IQCC: variants seen among roughly 807,000 people sequenced by gnomAD.
IQCC encodes the protein IQ domain-containing protein C.
Under a neutral mutation model 27.0 loss-of-function variants are expected in IQCC, and 23 were observed. That is an observed-to-expected ratio of 0.85 (90% confidence interval 0.61 to 1.21). IQCC has a LOEUF of 1.21. Ranked by LOEUF, IQCC falls within the 50% of genes most tolerant of loss-of-function variation. The pLI is 0.00. For synonymous variants in IQCC, 220 were observed against 217.2 expected, an observed-to-expected ratio of 1.01 and a Z score of -0.11; for missense variants, 552 against 562.3, an observed-to-expected ratio of 0.98 and a Z score of 0.19.
rs530747775 is a variant in IQCC, at chr1:32,208,464, C to T, written c.*382C>T. ...ACTAAAAATATAAAAATTAGCCAGGCGTGGTGGTGCATGCCTGTAGTCCCA... is the reference window on the plus strand; with the variant it reads ...ACTAAAAATATAAAAATTAGCCAGGTGTGGTGGTGCATGCCTGTAGTCCCA... On this transcript the variant is annotated 3_prime_UTR_variant, in exon 5 of 5. Coordinates refer to ENST00000291358, the MANE Select transcript of IQCC (RefSeq NM_018134.3). 2 of 182,998 alleles carry T rather than the reference C, an allele frequency of 1.1e-5. No individual in the cohort carries two copies. Among genetic ancestry groups the T allele is most frequent in the Non-Finnish European group, 1.2e-5 (1 of 86,130 alleles). The allele number at this position is 182,998 out of a possible 1,614,324, so 11.3% of individuals were successfully genotyped here.
Position 32,205,777 on chromosome 1 carries a change from G to T in IQCC, c.42+54G>T, listed in dbSNP as rs757515285. 1 of 1,601,942 alleles carries T rather than the reference G, an allele frequency of 6.2e-7. No homozygotes were observed. The highest frequency in any genetic ancestry group is 8.5e-7 in the Non-Finnish European group (1 of 1,175,406). The stretch of plus-strand genomic sequence containing the variant: ...ATTTTTCCTTTAGGGAAATCATGGG[G>T]TCTCGTACCTGGACCTCCCAGCGAG... On this transcript the variant is annotated intron_variant, in intron 1 of 4. Transcript: ENST00000291358. This position sits in a 1 kb window ranked among gnomAD's most constrained non-coding sequence, Gnocchi z 5.6.
rs1643430418 is a variant in IQCC, at chr1:32,208,009, C to T, written c.1328C>T (p.Ser443Phe). 6.2e-7 allele frequency: 1 copy of T among 1,614,158 alleles called. No homozygotes were observed. Among genetic ancestry groups the T allele is most frequent in the Non-Finnish European group, 8.5e-7 (1 of 1,179,996 alleles). Residue 443 changes from serine (S) to phenylalanine (F), a missense_variant, in exon 5 of 5, where the codon TCT (serine) becomes TTT (phenylalanine). By Grantham distance (155) the Ser-to-Phe change is radical (BLOSUM62 -2). Transcript: ENST00000291358. ...PWRSKSPEIL[S>F]STKAGCTGEE... ...AGATCAAAGTCACCTGAGATTCTGT[C>T]TTCTACAAAGGCAGGCTGTACAGGA...
At chr1:32,206,865 C>T (rs111262685) in intron 3 of IQCC, 104 bp downstream of exon 3, 10 of 1,473,808 alleles carry the variant, frequency 6.8e-6, no homozygotes, top group Admixed American at 5.7e-5. Flanking sequence ...ATCCCTTTCC[C>T]GTCTTCCCTC....
In IQCC at chr1:32,207,231, C is replaced by T; in HGVS notation, c.559-9C>T. 6.2e-7 allele frequency: 1 copy of T among 1,613,850 alleles called. No homozygotes were observed. The highest frequency in any genetic ancestry group is 8.5e-7 in the Non-Finnish European group (1 of 1,179,824). ...TGCTTGGTACAATGTATGTTCTCTCCCCCAACAGTACCTACTTCTTAAACA... is the reference window on the plus strand; with the variant it reads ...TGCTTGGTACAATGTATGTTCTCTCTCCCAACAGTACCTACTTCTTAAACA... On this transcript the variant is annotated splice_polypyrimidine_tract_variant and intron_variant, in intron 4 of 4. Coordinates refer to ENST00000291358, the MANE Select transcript of IQCC (RefSeq NM_018134.3).
Position 32,205,694 on chromosome 1 carries a change from C to G in IQCC, c.13C>G (p.Leu5Val). The G allele has an allele frequency of 1.2e-6, 2 of 1,606,600 alleles. No individual in the cohort carries two copies. Among genetic ancestry groups the G allele is most frequent in the South Asian group, 1.1e-5 (1 of 90,620 alleles). The change falls in exon 1 of 5, where the codon CTG becomes GTG. Residue 5 changes from leucine to valine, a missense_variant. Transcript: ENST00000291358. This position sits in a 1 kb window ranked among gnomAD's most constrained non-coding sequence, Gnocchi z 5.6. ...GCAGTTGGCGCCCATGGAGCCAGAG[C>G]TGCTGGTTCGGAAGGTGTCTGCATT... MEPELLVRKVSALQA... is the reference protein window; with the variant it reads MEPEVLVRKVSALQA...
In IQCC at chr1:32,206,592, A is replaced by G. The variant is rs1449907474; in HGVS notation, c.270A>G (p.Glu90=). 6.2e-7 allele frequency: 1 copy of G among 1,614,238 alleles called. No individual in the cohort carries two copies. The highest frequency in any genetic ancestry group is 1.7e-5 in the Admixed American group (1 of 60,028). The change falls in exon 3 of 5, where the codon GAA becomes GAG. Residue 90 remains glutamate, a synonymous_variant. Transcript: ENST00000291358. ...EQGLWNHFPC[E]ESEGEATWEE... ...GGCTGTGGAACCACTTCCCATGTGAAGAGTCTGAGGGAGAGGCCACCTGGG... is the reference window on the plus strand; with the variant it reads ...GGCTGTGGAACCACTTCCCATGTGAGGAGTCTGAGGGAGAGGCCACCTGGG...
rs1643332424 is a variant in IQCC, at chr1:32,206,283, C to T, written c.172C>T (p.Arg58Ter). 6.2e-7 allele frequency: 1 copy of T among 1,614,158 alleles called. No homozygotes were observed. Among genetic ancestry groups the T allele is most frequent in the Non-Finnish European group, 8.5e-7 (1 of 1,180,018 alleles). The change falls in exon 2 of 5, where the codon CGA becomes TGA. Residue 58 changes from arginine to a stop codon, truncating the protein, a stop_gained. Transcript: ENST00000291358. LOFTEE classifies it high-confidence loss of function. ...QWTEGRIPRP[R>*]FLPEKAKSHQ... ...GACCGAGGGCCGCATTCCCAGGCCG[C>T]GATTCCTCCCAGAGGTAGAACACAC...
Position 32,207,769 on chromosome 1 carries a change from A to G in IQCC, c.1088A>G (p.Glu363Gly). Reference sequence around the variant, plus strand: ...TCTCCCAGAAAACTAGACCACAAAGAGCCTGACTGCCGAACAGTCAGGACA... The same window carrying G: ...TCTCCCAGAAAACTAGACCACAAAGGGCCTGACTGCCGAACAGTCAGGACA... ...EMSPRKLDHK[E>G]PDCRTVRTQE... Residue 363 changes from glutamate to glycine, a missense_variant, in exon 5 of 5, where the codon GAG (glutamate) becomes GGG (glycine). By Grantham distance (98) the Glu-to-Gly change is moderately conservative. Coordinates refer to ENST00000291358, the MANE Select transcript of IQCC (RefSeq NM_018134.3). 2.3e-5 allele frequency: 37 copies of G among 1,613,948 alleles called. No individual in the cohort carries two copies. Among genetic ancestry groups the G allele is most frequent in the Non-Finnish European group, 3.1e-5 (37 of 1,179,986 alleles).
rs1643305734 is a variant in IQCC, at chr1:32,205,721, C to T, written c.40C>T (p.Gln14Ter). 6.2e-7 allele frequency: 1 copy of T among 1,611,930 alleles called. No individual in the cohort carries two copies. The highest frequency in any genetic ancestry group is 1.3e-5 in the African/African-American group (1 of 75,058). Residue 14 changes from glutamine to a stop codon, truncating the protein, a stop_gained and splice_region_variant, in exon 1 of 5, where the codon CAG becomes TAG. Transcript: ENST00000291358. LOFTEE classifies it high-confidence loss of function. This position sits in a 1 kb window ranked among gnomAD's most constrained non-coding sequence, Gnocchi z 5.6. ...ELLVRKVSAL[Q>*]ACVRGFLVRR... is the part of the protein sequence containing the mutation. ...GCTGGTTCGGAAGGTGTCTGCATTG[C>T]AGGTGCGGGGGCGGGCGCGGGGTTC...
At position 32,207,047 on chromosome 1, in the gene IQCC, A is replaced by G. The variant is rs751634548; in HGVS notation, c.485A>G (p.Glu162Gly). 1.7e-5 allele frequency: 27 copies of G among 1,613,312 alleles called. No homozygotes were observed. The highest frequency in any genetic ancestry group is 6.7e-5 in the Admixed American group (4 of 59,822). ...CCCCACAGCCAACCTCAGCTTCAAGAGCTTCAGTACCACCGCAGCCACTTG... is the reference window on the plus strand; with the variant it reads ...CCCCACAGCCAACCTCAGCTTCAAGGGCTTCAGTACCACCGCAGCCACTTG... ...RLPHSQPQLQ[E>G]LQYHRSHLAM... The change falls in exon 4 of 5, where the codon GAG (glutamate) becomes GGG (glycine). Residue 162 changes from glutamate (E) to glycine (G), a missense_variant. Transcript: ENST00000291358.
Position 32,205,950 on chromosome 1 carries a change from G to C in IQCC, c.43-204G>C. The C allele has an allele frequency of 6.4e-7, 1 of 1,552,866 alleles. No individual in the cohort carries two copies. Among genetic ancestry groups the C allele is most frequent in the Non-Finnish European group, 8.7e-7 (1 of 1,147,836 alleles). ...ACGCTCGCGCCGGATCAGGGAAACG[G>C]GAAGAGCCTTAAGGCGAGGAGGGGC... On this transcript the variant is annotated intron_variant, in intron 1 of 4. Transcript: ENST00000291358. The surrounding 1 kb of genome is among the most constrained non-coding windows in gnomAD (Gnocchi z 5.6).
rs755660195 is a variant in IQCC, at chr1:32,206,497, CTT to C, written c.187-11_187-10del. 4.3e-5 allele frequency: 69 copies of C among 1,613,886 alleles called. No individual in the cohort carries two copies. The highest frequency in any genetic ancestry group is 1.7e-4 in the Middle Eastern group (1 of 5,926). ...TTAGCCCTGGGGCTCTCACATCTCTCTTGTTTCTCAGAAGGCAAAATCCCATC... is the reference window on the plus strand; with the variant it reads ...TTAGCCCTGGGGCTCTCACATCTCTCGTTTCTCAGAAGGCAAAATCCCATC... On this transcript the variant is annotated splice_polypyrimidine_tract_variant and intron_variant, in intron 2 of 4. Transcript: ENST00000291358.
intron 4 of IQCC, 58 bp from the exon 5 acceptor site, chr1:32,207,182 C>A: frequency 6.2e-7 from 1 of 1,601,078 alleles, no homozygotes. Flanking sequence ...TAGGGAGAGA[C>A]GACCTGCCAT....
At chr1:32,206,039 C>T (rs888870745) in intron 1 of IQCC, 115 bp from the exon 2 acceptor site, 153 of 1,598,618 alleles carry the variant, frequency 9.6e-5, no homozygotes, top group Non-Finnish European at 1.3e-4. Flanking sequence ...CTATCCTTTC[C>T]CCGCCGTCAG....
intron 4 of IQCC, 55 bp downstream of exon 4, chr1:32,207,175 G>A (rs1643378431): frequency 2.5e-6 from 4 of 1,602,004 alleles, no homozygotes; most frequent in Non-Finnish European, 3.4e-6. Context: ...TGGGGGTTAG[G>A]GAGAGACGAC....
rs563220918 is a variant in IQCC at position 32,208,411 on chromosome 1, C to A, written c.*329C>A. 20 of 228,302 alleles carry A rather than the reference C, an allele frequency of 8.8e-5. No homozygotes were observed. The highest frequency in any genetic ancestry group is 1.7e-3 in the Middle Eastern group (1 of 606). 14.1% of individuals were successfully genotyped at this position (228,302 alleles called of 1,614,324 possible). On this transcript the variant is annotated 3_prime_UTR_variant, in exon 5 of 5. Transcript: ENST00000291358. Reference sequence around the variant, plus strand: ...GTCAGAAGTTTGAGACCAGCCTGACCAACATGGTGAAATGAAACCCCATCT... The same window carrying A: ...GTCAGAAGTTTGAGACCAGCCTGACAAACATGGTGAAATGAAACCCCATCT...
Position 32,207,363 on chromosome 1 carries a change from C to T in IQCC, c.682C>T (p.Leu228=), listed in dbSNP as rs770788837. 2 of 1,613,978 alleles carry T rather than the reference C, an allele frequency of 1.2e-6. No individual in the cohort carries two copies. Among genetic ancestry groups the T allele is most frequent in the Non-Finnish European group, 1.7e-6 (2 of 1,180,020 alleles). The change falls in exon 5 of 5, where the codon CTG becomes TTG. Residue 228 remains leucine (L), a synonymous_variant. Transcript: ENST00000291358. ...GGACCAGTCACAACCAAGCGCACCA[C>T]TGGAGGACCAGTCCTACAGAGACAG... ...ERDQSQPSAP[L]EDQSYRDRTT...
intron 2 of IQCC, 87 bp from the exon 3 acceptor site, chr1:32,206,422 C>G (rs754061078): frequency 1.9e-6 from 3 of 1,603,564 alleles, no homozygotes; most frequent in Non-Finnish European, 2.6e-6. Context: ...CACTCCTTAA[C>G]CCTCACCAAC....
At position 32,207,653 on chromosome 1, in the gene IQCC, C is replaced by A; in HGVS notation, c.972C>A (p.Thr324=). Residue 324 remains threonine, a synonymous_variant, in exon 5 of 5, where the codon ACC becomes ACA. Transcript: ENST00000291358. ...LLQMKILEDQ[T]PRGLKPRNHC... ...AGATGAAAATCCTGGAGGACCAGACCCCCAGAGGTTTAAAACCTAGGAACC... is the reference window on the plus strand; with the variant it reads ...AGATGAAAATCCTGGAGGACCAGACACCCAGAGGTTTAAAACCTAGGAACC... The A allele has an allele frequency of 6.2e-7, 1 of 1,614,006 alleles. No individual in the cohort carries two copies. Among genetic ancestry groups the A allele is most frequent in the Middle Eastern group, 1.6e-4 (1 of 6,062 alleles).
Sources: gnomAD v4.1 joint callset for allele counts on GRCh38, gnomAD v4.1.1 for gene constraint, Gnocchi (gnomAD v3.1) non-coding constraint, MANE v1.5 for transcripts, NCBI Gene and HGNC (gene_info 2026-07-23, HGNC 2026-07-21) for gene names.